Variants in SEZ6L observed in about 807,000 individuals in gnomAD.
SEZ6L encodes seizure 6-like protein.
In SEZ6L, 37 loss-of-function variants were observed where a neutral mutation model predicts 106.2. The observed-to-expected ratio is 0.35, with a 90% confidence interval of 0.27 to 0.46. The LOEUF (loss-of-function observed/expected upper bound fraction) is 0.46. Ranked by LOEUF, SEZ6L falls within the 20% of genes least tolerant of loss-of-function variation. The probability of loss-of-function intolerance (pLI) is 1.00; values close to 1 mark genes in which losing one functional copy is unlikely to be tolerated. For synonymous variants in SEZ6L, 541 were observed against 570.4 expected (o/e 0.95, Z 0.73); for missense variants, 1,172 against 1,332.8 (o/e 0.88, Z 1.88).
In SEZ6L at chr22:26,365,383, C is replaced by T. The variant is rs925021288; in HGVS notation, c.2611C>T (p.Leu871=). The change falls in exon 13 of 17, where the codon CTG becomes TTG. Residue 871 remains leucine, a synonymous_variant. Transcript: ENST00000248933. ...GGCTTGCATTTCAGCGGAGGAGTCCCTGGCATGTGACAACCCAGGGCTGCC... is the reference window on the plus strand; with the variant it reads ...GGCTTGCATTTCAGCGGAGGAGTCCTTGGCATGTGACAACCCAGGGCTGCC... ...RLPHCVSEES[L]ACDNPGLPEN... 1.2e-6 allele frequency: 2 copies of T among 1,603,948 alleles called. No homozygotes were observed. The highest frequency in any genetic ancestry group is 1.7e-6 in the Non-Finnish European group (2 of 1,171,824).
intron 4 of SEZ6L, 35 bp downstream of exon 4, chr22:26,297,115 T>C: frequency 6.7e-7 from 1 of 1,497,240 alleles, no homozygotes. Context: ...AACATAGGCG[T>C]TTGCCTCAGT....
intron 1 of SEZ6L, among the ~76,000 whole-genome samples, chr22:26,268,243 C>T (rs2080251235): frequency 6.6e-6 from 1 of 152,204 alleles, no homozygotes; most frequent in Admixed American, 6.5e-5. Flanking sequence ...GGGCCAGCTT[C>T]TCAGATCTTG....
Position 26,299,183 on chromosome 22 carries a change from TCAG to T in SEZ6L, c.1348+16_1348+18del. The T allele has an allele frequency of 7.0e-7, 1 of 1,428,352 alleles. No individual in the cohort carries two copies. The highest frequency in any genetic ancestry group is 9.2e-7 in the Non-Finnish European group (1 of 1,081,668). 88.5% of individuals were successfully genotyped at this position (1,428,352 alleles called of 1,614,324 possible). ...CCATCTGCTCAGGTATGCTCCAGCCTCAGCCGGACCAAACCTGATGGTCCAACT... is the reference window on the plus strand; with the variant it reads ...CCATCTGCTCAGGTATGCTCCAGCCTCCGGACCAAACCTGATGGTCCAACT... On this transcript the variant is annotated intron_variant, in intron 5 of 16. Coordinates refer to ENST00000248933, the MANE Select transcript of SEZ6L (RefSeq NM_021115.5).
At chr22:26,232,763 C>G (rs2145749510) in intron 1 of SEZ6L, among the ~76,000 whole-genome samples, 1 of 152,320 alleles carries the variant, frequency 6.6e-6, no homozygotes, top group South Asian at 2.1e-4. Context: ...AACCACAAAA[C>G]CATGTAATTA....
chr22:26,307,702 T>G (rs1182368285), intron 6 of SEZ6L, among the ~76,000 whole-genome samples: 1 of 151,480 alleles, frequency 6.6e-6, no homozygotes, highest in Non-Finnish European at 1.5e-5. Context: ...CTGGAGACTC[T>G]GAAAATCTGG....
At chr22:26,264,928 A>G (rs78895322) in intron 1 of SEZ6L, among the ~76,000 whole-genome samples, 52 of 152,290 alleles carry the variant, frequency 3.4e-4, no homozygotes, top group African/African-American at 1.2e-3. Context: ...CCTTCCTTGT[A>G]TCTTCTTCCA....
intron 1 of SEZ6L, among the ~76,000 whole-genome samples, chr22:26,251,338 GTTT>G (rs5844679): frequency 0.058 from 8,722 of 149,274 alleles, 828 homozygotes; most frequent in African/African-American, 0.2. Context: ...TTTGTTGAAA[GTTT>G]TTTTTTTTTT....
chr22:26,230,124 G>A (rs1276881296), intron 1 of SEZ6L, among the ~76,000 whole-genome samples: 1 of 152,140 alleles, frequency 6.6e-6, no homozygotes, highest in East Asian at 1.9e-4. Context: ...ACAGGAACAG[G>A]CATCCCTCCA....
chr22:26,363,161 A>G (rs375514885), intron 12 of SEZ6L, among the ~76,000 whole-genome samples: 2 of 152,248 alleles, frequency 1.3e-5, no homozygotes, highest in African/African-American at 4.8e-5. Context: ...CAATCTTCTA[A>G]TGTTTCAGAA....
intron 1 of SEZ6L, among the ~76,000 whole-genome samples, chr22:26,280,672 CA>C (rs2080733840): frequency 6.6e-6 from 1 of 152,176 alleles, no homozygotes; most frequent in Admixed American, 6.5e-5. Context: ...TATCATAGTT[CA>C]ATTCTGAGCT....
At chr22:26,254,861 G>A (rs1164790705) in intron 1 of SEZ6L, among the ~76,000 whole-genome samples, 3 of 152,118 alleles carry the variant, frequency 2.0e-5, no homozygotes, top group African/African-American at 7.2e-5. Context: ...ATCGTGGATA[G>A]AGGGATATCC....
intron 1 of SEZ6L, among the ~76,000 whole-genome samples, chr22:26,235,091 C>T (rs2078918536): frequency 6.6e-6 from 1 of 152,160 alleles, no homozygotes; most frequent in East Asian, 1.9e-4. Context: ...TCTTCCATCC[C>T]CTACAGTAGT....
At chr22:26,220,586 G>T (rs1205807447) in intron 1 of SEZ6L, among the ~76,000 whole-genome samples, 1 of 152,162 alleles carries the variant, frequency 6.6e-6, no homozygotes, top group Non-Finnish European at 1.5e-5. Flanking sequence ...GTGAGATGAT[G>T]ATGAGACAGG....
chr22:26,256,580 G>T (rs1326211584), intron 1 of SEZ6L, among the ~76,000 whole-genome samples: 1 of 152,200 alleles, frequency 6.6e-6, no homozygotes, highest in Admixed American at 6.5e-5. Context: ...GTGGGCTGGG[G>T]TGTTGCCCAG....
chr22:26,302,493 G>A (rs1364067710), intron 5 of SEZ6L, among the ~76,000 whole-genome samples: 1 of 152,200 alleles, frequency 6.6e-6, no homozygotes, highest in Non-Finnish European at 1.5e-5. Flanking sequence ...TGAGCCATGT[G>A]TGAAGAGAAT....
chr22:26,350,104 A>G (rs2083222309), intron 11 of SEZ6L, among the ~76,000 whole-genome samples: 1 of 151,940 alleles, frequency 6.6e-6, no homozygotes. Context: ...AAAAAATCGC[A>G]AATAATAATG....
chr22:26,330,751 C>T (rs200612598), intron 9 of SEZ6L, among the ~76,000 whole-genome samples: 1 of 89,560 alleles, frequency 1.1e-5, no homozygotes, highest in African/African-American at 4.6e-5. Flanking sequence ...TTTTTGTTTT[C>T]CCGAAACTGC....
intron 5 of SEZ6L, among the ~76,000 whole-genome samples, chr22:26,304,376 GAAAGAA>G (rs1220082197): frequency 1.5e-5 from 1 of 65,890 alleles, no homozygotes; most frequent in East Asian, 4.0e-4. Context: ...AAAGAAGAAA[GAAAGAA>G]AGAAAGAAAG....
intron 14 of SEZ6L, 48 bp from the exon 15 acceptor site, chr22:26,375,527 G>A: frequency 6.7e-7 from 1 of 1,502,368 alleles, no homozygotes; most frequent in Non-Finnish European, 9.3e-7. Context: ...GCACTCACTG[G>A]GAGTCAGCTA....
Sources: gnomAD v4.1 joint callset for allele counts (sites outside exome capture counted in the v4.1 genomes callset) on GRCh38, gnomAD v4.1.1 for gene constraint, MANE v1.5 for transcripts, NCBI Gene and HGNC (gene_info 2026-07-23, HGNC 2026-07-21) for gene names.